The following JAZF1 variants were observed in gnomAD, a reference collection of about 807,000 sequenced individuals.
The protein encoded by JAZF1 is JAZF zinc finger 1, also known as juxtaposed with another zinc finger protein 1.
A neutral mutation model predicts 26.4 loss-of-function variants in JAZF1; 8 were observed. That is an observed-to-expected ratio of 0.30 (90% CI 0.18 to 0.55). The LOEUF is 0.55. Ranked by LOEUF, JAZF1 falls within the 20% of genes least tolerant of loss-of-function variation. JAZF1 has a pLI of 0.94. For missense variants in JAZF1, 199 were observed against 322.0 expected (o/e 0.62, Z 2.92); for synonymous variants, 126 against 122.3 (o/e 1.03, Z -0.20).
intron 2 of JAZF1, among the ~76,000 whole-genome samples, chr7:27,899,884 A>T (rs1784138918): frequency 6.6e-6 from 1 of 152,122 alleles, no homozygotes; most frequent in Non-Finnish European, 1.5e-5. Flanking sequence ...AAGCCTGGGG[A>T]TGCTGTCATG....
At chr7:27,951,328 C>A (rs1238881963) in intron 2 of JAZF1, among the ~76,000 whole-genome samples, 1 of 152,162 alleles carries the variant, frequency 6.6e-6, no homozygotes, top group Non-Finnish European at 1.5e-5. Flanking sequence ...TGCATTAGCC[C>A]TGCTAAGCCA....
At chr7:27,837,442 G>T (rs1445312668) in intron 4 of JAZF1, among the ~76,000 whole-genome samples, 1 of 152,216 alleles carries the variant, frequency 6.6e-6, no homozygotes, top group Non-Finnish European at 1.5e-5. Context: ...CGTTCCCATG[G>T]GCTACACCTT....
intron 1 of JAZF1, among the ~76,000 whole-genome samples, chr7:28,000,688 A>G (rs914978038): frequency 2.1e-5 from 3 of 143,104 alleles, no homozygotes; most frequent in African/African-American, 5.4e-5. Context: ...GTGGGATCTC[A>G]GCTCACTGCA....
intron 2 of JAZF1, among the ~76,000 whole-genome samples, chr7:27,915,074 C>T (rs531050938): frequency 1.3e-5 from 2 of 152,274 alleles, no homozygotes; most frequent in South Asian, 4.2e-4. Flanking sequence ...AGGATGATTC[C>T]TTCAAGCAGG....
intron 3 of JAZF1, among the ~76,000 whole-genome samples, chr7:27,862,647 C>T (rs1259028552): frequency 6.6e-6 from 1 of 152,182 alleles, no homozygotes; most frequent in Non-Finnish European, 1.5e-5. Flanking sequence ...TCTGAGCTCA[C>T]CCTTTTCAGC....
chr7:27,961,589 A>G (rs1176059406), intron 2 of JAZF1, among the ~76,000 whole-genome samples: 1 of 152,228 alleles, frequency 6.6e-6, no homozygotes, highest in Non-Finnish European at 1.5e-5. Flanking sequence ...ATTCTCCCCA[A>G]AGAAAGCTTA....
At chr7:28,165,677 C>T (rs535633143) in intron 1 of JAZF1, among the ~76,000 whole-genome samples, 1 of 152,274 alleles carries the variant, frequency 6.6e-6, no homozygotes, top group Admixed American at 6.5e-5. Flanking sequence ...CATTCACTCC[C>T]CTTCATTGAG....
intron 1 of JAZF1, among the ~76,000 whole-genome samples, chr7:28,102,799 C>T (rs75901397): frequency 0.016 from 2,376 of 152,198 alleles, 58 homozygotes; most frequent in African/African-American, 0.055. Context: ...TTCATACATA[C>T]TGAAAAACAA....
intron 2 of JAZF1, among the ~76,000 whole-genome samples, chr7:27,925,876 G>C (rs1035139231): frequency 6.6e-6 from 1 of 152,178 alleles, no homozygotes; most frequent in Non-Finnish European, 1.5e-5. Flanking sequence ...ATTTCTTCTG[G>C]GAAGCCACTT....
chr7:28,165,348 A>G (rs1783351800), intron 1 of JAZF1, among the ~76,000 whole-genome samples: 1 of 152,212 alleles, frequency 6.6e-6, no homozygotes, highest in Admixed American at 6.5e-5. Flanking sequence ...AGCAAACTAG[A>G]TTTAAAGAGA....
At chr7:28,121,397 G>A (rs529992337) in intron 1 of JAZF1, among the ~76,000 whole-genome samples, 5 of 152,080 alleles carry the variant, frequency 3.3e-5, no homozygotes, top group Admixed American at 2.0e-4. Flanking sequence ...CATATGAGAC[G>A]TTCAATTTGA....
intron 2 of JAZF1, among the ~76,000 whole-genome samples, chr7:27,921,033 GC>G: frequency 1.3e-5 from 2 of 152,266 alleles, no homozygotes; most frequent in Middle Eastern, 6.8e-3. Flanking sequence ...ATGTGTGTAA[GC>G]GCTTTATAAA....
intron 2 of JAZF1, among the ~76,000 whole-genome samples, chr7:27,921,353 T>C (rs1367237831): frequency 2.6e-5 from 4 of 151,644 alleles, no homozygotes; most frequent in Admixed American, 2.6e-4. Context: ...TTTTTTTTCC[T>C]TTTTACAAGT....
In JAZF1 at chr7:28,144,596, G is replaced by T. The variant is rs551193478; in HGVS notation, c.115+35867C>A. On this transcript the variant is annotated intron_variant, in intron 1 of 4. Transcript: ENST00000283928. ...GTCTGTACAGGCTCTTTACAGAGCA[G>T]CTGGAGAGGAAAGAGAAAAGGAAAT... Among the ~76,000 whole-genome samples the T allele has an allele frequency of 5.9e-5, 9 of 152,366 alleles. No homozygotes were observed. The East Asian group carries it at 1.2e-3, about 20-fold the overall frequency.
chr7:28,015,577 T>C (rs913919534), intron 1 of JAZF1, among the ~76,000 whole-genome samples: 2 of 152,234 alleles, frequency 1.3e-5, no homozygotes, highest in Non-Finnish European at 2.9e-5. Context: ...AATGGGTGCC[T>C]ATGGCATTAT....
At chr7:27,905,295 G>A (rs182910847) in intron 2 of JAZF1, among the ~76,000 whole-genome samples, 2 of 151,132 alleles carry the variant, frequency 1.3e-5, no homozygotes, top group Admixed American at 1.3e-4. Context: ...GTTTATATAT[G>A]ACATATATGG....
At chr7:28,034,503 C>CACACACACAA (rs1554283297) in intron 1 of JAZF1, among the ~76,000 whole-genome samples, 2 of 151,154 alleles carry the variant, frequency 1.3e-5, no homozygotes, top group Non-Finnish European at 2.9e-5. Context: ...CACACACACA[C>CACACACACAA]TGATTTATAA....
intron 2 of JAZF1, among the ~76,000 whole-genome samples, chr7:27,926,847 G>T (rs564307544): frequency 2.6e-5 from 4 of 152,194 alleles, no homozygotes; most frequent in African/African-American, 9.7e-5. Context: ...AAATGTAGTG[G>T]CAGGAGGCAA....
intron 1 of JAZF1, among the ~76,000 whole-genome samples, chr7:28,125,214 T>C (rs1271121256): frequency 6.9e-6 from 1 of 145,500 alleles, no homozygotes; most frequent in Non-Finnish European, 1.5e-5. Flanking sequence ...TAAGACCCAA[T>C]AAGCTATAAA....
Sources: allele counts gnomAD v4.1 joint callset (sites outside exome capture counted in the v4.1 genomes callset), GRCh38; gene constraint gnomAD v4.1.1; transcripts MANE v1.5; gene names NCBI Gene and HGNC (gene_info 2026-07-23, HGNC 2026-07-21).